Variants in NR4A2 observed in about 807,000 individuals in gnomAD.
The protein encoded by NR4A2 is NGFI-B/nur77 beta-type transcription factor homolog.
Under a neutral mutation model 50.5 loss-of-function variants are expected in NR4A2, and 1 was observed. The ratio of observed to expected loss-of-function variants is 0.02; its 90% CI spans 0.01 to 0.09. The LOEUF is 0.09. Among genes scored for constraint, NR4A2 ranks in the 10% least tolerant of loss-of-function variants. NR4A2 has a pLI of 1.00. For missense variants in NR4A2, 613 were observed against 777.3 expected (o/e 0.79, Z 2.51); for synonymous variants, 328 against 309.4 (o/e 1.06, Z -0.63).
In NR4A2 at chr2:156,326,679, C is replaced by G; in HGVS notation, c.1361+39G>C. ...TTTCTTTTCCTTTCTTGATTTCTCT[C>G]ACAGCCTCCCTGGATTGTCTCCCTC... On this transcript the variant is annotated intron_variant, in intron 6 of 7. Coordinates refer to ENST00000339562, the MANE Select transcript of NR4A2 (RefSeq NM_006186.4). The surrounding 1 kb of genome is among the most constrained non-coding windows in gnomAD (Gnocchi z 4.2). The G allele has an allele frequency of 6.4e-7, 1 of 1,572,426 alleles. No homozygotes were observed. Among genetic ancestry groups the G allele is most frequent in the Non-Finnish European group, 8.6e-7 (1 of 1,161,006 alleles).
intron 5 of NR4A2, 105 bp downstream of exon 5, chr2:156,327,746 G>C (rs1686716023): frequency 3.6e-6 from 5 of 1,401,010 alleles, no homozygotes; most frequent in Non-Finnish European, 4.9e-6. Flanking sequence ...AGCCTTGCTT[G>C]CCTTCTTTAC....
chr2:156,331,286 T>C (rs1037902495), intron 1 of NR4A2, among the ~76,000 whole-genome samples: 17 of 152,296 alleles, frequency 1.1e-4, no homozygotes, highest in African/African-American at 4.1e-4. Flanking sequence ...CCTTACAAAA[T>C]GTTAGAAAGG....
Position 156,326,849 on chromosome 2 carries a change from C to T in NR4A2, c.1230G>A (p.Leu410=), listed in dbSNP as rs139491338. 31 of 1,614,086 alleles carry T rather than the reference C, an allele frequency of 1.9e-5. 1 individual carries two copies. In the Middle Eastern group the frequency reaches 8.2e-4, roughly 43 times the overall value. Residue 410 remains leucine, a synonymous_variant, in exon 6 of 8, where the codon CTG becomes CTA. Transcript: ENST00000339562. This position sits in a 1 kb window ranked among gnomAD's most constrained non-coding sequence, Gnocchi z 4.2. Reference sequence around the variant, plus strand: ...CCCGGATGATCTCCATGGAGCCAGTCAGGAGATCATAGAATTGCTGGATAT... The same window carrying T: ...CCCGGATGATCTCCATGGAGCCAGTTAGGAGATCATAGAATTGCTGGATAT... ...TQHIQQFYDL[L]TGSMEIIRGW... is the part of the protein sequence containing the mutation.
chr2:156,328,299 G>A lies in NR4A2; in HGVS notation c.994+105C>T. 1 of 1,568,846 alleles carries A rather than the reference G, an allele frequency of 6.4e-7. No homozygotes were observed. Among genetic ancestry groups the A allele is most frequent in the African/African-American group, 1.3e-5 (1 of 74,086 alleles). On this transcript the variant is annotated intron_variant, in intron 4 of 7. Coordinates refer to ENST00000339562, the MANE Select transcript of NR4A2 (RefSeq NM_006186.4). The surrounding 1 kb of genome is among the most constrained non-coding windows in gnomAD (Gnocchi z 4.9). ...AGGGTCCTGGAGGCCATACTGAGGG[G>A]GAGTCGGAGATCCCCAGCACCGGGA...
rs1278284874 is a variant in NR4A2, at chr2:156,330,188, G to T, written c.-2C>A. ...ATACTGCGCCTGAACACAAGGCATG[G>T]CTGGAAATGAAACAGGGTGATAACA... On this transcript the variant is annotated splice_region_variant and 5_prime_UTR_variant, in exon 3 of 8. Coordinates refer to ENST00000339562, the MANE Select transcript of NR4A2 (RefSeq NM_006186.4). The T allele has an allele frequency of 2.5e-6, 4 of 1,613,984 alleles. No individual in the cohort carries two copies. In the Admixed American group the frequency reaches 6.7e-5, roughly 27 times the overall value.
chr2:156,328,787 T>C lies in NR4A2; in HGVS notation c.865-254A>G, dbSNP rs531491822. Among the ~76,000 whole-genome samples, 3 of 152,290 alleles carry C rather than the reference T, an allele frequency of 2.0e-5. No homozygotes were observed. The East Asian group carries it at 5.8e-4, about 29-fold the overall frequency. On this transcript the variant is annotated intron_variant, in intron 3 of 7. Coordinates refer to ENST00000339562, the MANE Select transcript of NR4A2 (RefSeq NM_006186.4). This position sits in a 1 kb window ranked among gnomAD's most constrained non-coding sequence, Gnocchi z 4.9. ...CCTTGCCGCTCCTTGCTGTGTTTTA[T>C]ATGCCAAGAGAAGGAGAAGGAGACG... is the stretch of plus-strand genomic sequence containing the variant.
Position 156,326,468 on chromosome 2 carries a change from C to T in NR4A2, c.1362-140G>A, listed in dbSNP as rs1686646645. 3 of 915,722 alleles carry T rather than the reference C, an allele frequency of 3.3e-6. No homozygotes were observed. Among genetic ancestry groups the T allele is most frequent in the Non-Finnish European group, 5.2e-6 (3 of 578,148 alleles). 56.7% of individuals were successfully genotyped at this position (915,722 alleles called of 1,614,324 possible). On this transcript the variant is annotated intron_variant, in intron 6 of 7. Coordinates refer to ENST00000339562, the MANE Select transcript of NR4A2 (RefSeq NM_006186.4). The surrounding 1 kb of genome is among the most constrained non-coding windows in gnomAD (Gnocchi z 4.2). ...GTTAATAAAATGTAGACCAGTGGAC[C>T]TTGAAAGGGTTTAATTTCATAACAA...
chr2:156,330,122 T>C lies in NR4A2; in HGVS notation c.65A>G (p.Tyr22Cys), dbSNP rs751372082. ...PQGASPASQSYSYHSSGEYSS... is the reference protein window; with the variant it reads ...PQGASPASQSCSYHSSGEYSS... ...GTATTCTCCCGAAGAGTGGTAACTG[T>C]AGCTCTGAGAAGCGGGGCTGGCTCC... Residue 22 changes from tyrosine (Y) to cysteine (C), a missense_variant, in exon 3 of 8, where the codon TAC becomes TGC. By Grantham distance (194) the Tyr-to-Cys change is radical. Transcript: ENST00000339562. The C allele has an allele frequency of 1.2e-6, 2 of 1,614,168 alleles. No homozygotes were observed. The highest frequency in any genetic ancestry group is 1.7e-6 in the Non-Finnish European group (2 of 1,180,022).
Position 156,325,634 on chromosome 2 carries a change from G to A in NR4A2, c.*110C>T. ...GGCTAGGAGGGTTACAGAAATGGGGGGCAGCTTGAGCTGAGACTGCTCACA... is the reference window on the plus strand; with the variant it reads ...GGCTAGGAGGGTTACAGAAATGGGGAGCAGCTTGAGCTGAGACTGCTCACA... On this transcript the variant is annotated 3_prime_UTR_variant, in exon 8 of 8. Transcript: ENST00000339562. 1 of 1,358,552 alleles carries A rather than the reference G, an allele frequency of 7.4e-7. No homozygotes were observed. The highest frequency in any genetic ancestry group is 1.1e-6 in the Non-Finnish European group (1 of 949,560). The allele number at this position is 1,358,552 out of a possible 1,614,324, so 84.2% of individuals were successfully genotyped here.
In NR4A2 at chr2:156,325,986, T is replaced by G. The variant is rs752220278; in HGVS notation, c.1555A>C (p.Lys519Gln). The change falls in exon 8 of 8, where the codon AAG becomes CAG. Residue 519 changes from lysine to glutamine, a missense_variant. Lys to Gln is a moderately conservative substitution (Grantham distance 53). Coordinates refer to ENST00000339562, the MANE Select transcript of NR4A2 (RefSeq NM_006186.4). ...AGTTCTTCCACTCTCTTGGGTTCCT[T>G]GAGCCCGTGTCTCTCTGCAGAAAAC... ...LAMVTERHGL[K>Q]EPKRVEELQN... is the part of the protein sequence containing the mutation. The G allele has an allele frequency of 6.2e-7, 1 of 1,614,210 alleles. No homozygotes were observed. The highest frequency in any genetic ancestry group is 8.5e-7 in the Non-Finnish European group (1 of 1,180,032).
Position 156,329,522 on chromosome 2 carries a change from T to C in NR4A2, c.665A>G (p.Asn222Ser), listed in dbSNP as rs1004359595. 5 of 1,605,724 alleles carry C rather than the reference T, an allele frequency of 3.1e-6. No homozygotes were observed. The highest frequency in any genetic ancestry group is 1.3e-5 in the African/African-American group (1 of 74,750). ...CATGGACGCGGGCTTGCGAATGGGGTTGGGCACAGCGAAGGTCTGCCCGTC... is the reference window on the plus strand; with the variant it reads ...CATGGACGCGGGCTTGCGAATGGGGCTGGGCACAGCGAAGGTCTGCCCGTC... The part of the protein sequence containing the change: ...VVDGQTFAVP[N>S]PIRKPASMGF... Residue 222 changes from asparagine to serine, a missense_variant, in exon 3 of 8, where the codon AAC becomes AGC. By Grantham distance (46) the Asn-to-Ser change is conservative. Coordinates refer to ENST00000339562, the MANE Select transcript of NR4A2 (RefSeq NM_006186.4). This position sits in a 1 kb window ranked among gnomAD's most constrained non-coding sequence, Gnocchi z 7.5.
Position 156,328,330 on chromosome 2 carries a change from A to T in NR4A2, c.994+74T>A. 1 of 1,607,500 alleles carries T rather than the reference A, an allele frequency of 6.2e-7. No homozygotes were observed. Among genetic ancestry groups the T allele is most frequent in the Non-Finnish European group, 8.5e-7 (1 of 1,174,722 alleles). On this transcript the variant is annotated intron_variant, in intron 4 of 7. Transcript: ENST00000339562. This position sits in a 1 kb window ranked among gnomAD's most constrained non-coding sequence, Gnocchi z 4.9. ...GGAGATCCCCAGCACCGGGAAGTGG[A>T]ACGTGATGCTGGAGTATGAGCAGTG...
At position 156,326,196 on chromosome 2, in the gene NR4A2, G is replaced by A. The variant is rs780261821; in HGVS notation, c.1494C>T (p.Ile498=). The A allele has an allele frequency of 1.3e-5, 21 of 1,614,168 alleles. No homozygotes were observed. Among genetic ancestry groups the A allele is most frequent in the South Asian group, 3.3e-5 (3 of 91,088 alleles). Residue 498 remains isoleucine, a synonymous_variant, in exon 7 of 8, where the codon ATC becomes ATT. Coordinates refer to ENST00000339562, the MANE Select transcript of NR4A2 (RefSeq NM_006186.4). This position sits in a 1 kb window ranked among gnomAD's most constrained non-coding sequence, Gnocchi z 4.2. ...CAATGCAGGAGAAGGCAGAAATGTCGATGTTCATATTCTGCAAGTTGGAGG... is the reference window on the plus strand; with the variant it reads ...CAATGCAGGAGAAGGCAGAAATGTCAATGTTCATATTCTGCAAGTTGGAGG... ...EFSSNLQNMN[I]DISAFSCIAA... is the part of the protein sequence containing the mutation.
In NR4A2 at chr2:156,325,381, A is replaced by C. The variant is rs1323226832; in HGVS notation, c.*363T>G. 3.0e-6 allele frequency: 1 copy of C among 336,344 alleles called. No homozygotes were observed. The highest frequency in any genetic ancestry group is 2.1e-5 in the African/African-American group (1 of 46,724). The allele number at this position is 336,344 out of a possible 1,614,324, so 20.8% of individuals were successfully genotyped here. A position where few individuals can be genotyped will look rare whatever the true frequency, so the allele number is the denominator to read the frequency against. On this transcript the variant is annotated 3_prime_UTR_variant, in exon 8 of 8. Transcript: ENST00000339562. ...GTGTTACATTTGTCTGAACTGCAACAACCAAGCATGGCCAAACATTTCCCA... is the reference window on the plus strand; with the variant it reads ...GTGTTACATTTGTCTGAACTGCAACCACCAAGCATGGCCAAACATTTCCCA...
At chr2:156,332,378 C>A in intron 1 of NR4A2, 102 bp downstream of exon 1, 1 of 1,015,066 alleles carries the variant, frequency 9.9e-7, no homozygotes. Context: ...GCCTCTGGCT[C>A]CCACTTCCAG....
chr2:156,327,827 A>T (rs1267032650), intron 5 of NR4A2, 24 bp downstream of exon 5: 14 of 1,560,080 alleles, frequency 9.0e-6, no homozygotes, highest in Non-Finnish European at 1.2e-5. Context: ...TGTCCACATG[A>T]TATCCCCCCC....
chr2:156,331,502 A>G (rs1686923964), intron 1 of NR4A2, among the ~76,000 whole-genome samples: 1 of 152,174 alleles, frequency 6.6e-6, no homozygotes, highest in Admixed American at 6.5e-5. Flanking sequence ...TCAATTGCAG[A>G]GGGGGGACAT....
rs773502234 is a variant in NR4A2, at chr2:156,328,506, C to T, written c.892G>A (p.Val298Met). ...KRTVQKNAKY[V>M]CLANKNCPVD... ...GGGCAGTTTTTATTTGCTAAACACA[C>T]GTATTTTGCATTTTTTTGCACTGTG... The change falls in exon 4 of 8, where the codon GTG (valine) becomes ATG (methionine). Residue 298 changes from valine (V) to methionine (M), a missense_variant. Physicochemically the swap from Val to Met is conservative, Grantham distance 21. Around this residue, in one of 4 missense-constraint regions of NR4A2, gnomAD observed 27 missense variants for 120.7 expected, o/e 0.22. Transcript: ENST00000339562. The surrounding 1 kb of genome is among the most constrained non-coding windows in gnomAD (Gnocchi z 4.9). 1 of 1,614,174 alleles carries T rather than the reference C, an allele frequency of 6.2e-7. No individual in the cohort carries two copies. Among genetic ancestry groups the T allele is most frequent in the Non-Finnish European group, 8.5e-7 (1 of 1,180,022 alleles).
Position 156,329,309 on chromosome 2 carries a change from C to T in NR4A2, c.864+14G>A, listed in dbSNP as rs1240887407. ...GGCTCCCTACCTGCCTACTCCGCTC[C>T]CGCCATTGCTCACCTTAAAGAAGCC... On this transcript the variant is annotated intron_variant, in intron 3 of 7. Transcript: ENST00000339562. The surrounding 1 kb of genome is among the most constrained non-coding windows in gnomAD (Gnocchi z 7.5). The T allele has an allele frequency of 2.5e-6, 4 of 1,608,242 alleles. No individual in the cohort carries two copies. The highest frequency in any genetic ancestry group is 3.4e-6 in the Non-Finnish European group (4 of 1,177,556).
Sources: gnomAD v4.1 joint callset for allele counts (sites outside exome capture counted in the v4.1 genomes callset) on GRCh38, gnomAD v4.1.1 for gene constraint, gnomAD v4.1.1 regional missense constraint, Gnocchi (gnomAD v3.1) non-coding constraint, MANE v1.5 for transcripts, NCBI Gene and HGNC (gene_info 2026-07-23, HGNC 2026-07-21) for gene names.